PAK6: variants seen among roughly 807,000 people sequenced by gnomAD.
The protein encoded by PAK6 is serine/threonine-protein kinase PAK 6.
In PAK6, 33 loss-of-function variants were observed where a neutral mutation model predicts 60.8. The observed-to-expected ratio is 0.54, with a 90% confidence interval of 0.41 to 0.73. The LOEUF (loss-of-function observed/expected upper bound fraction) is 0.73, where lower values mean the gene tolerates loss of function less well. PAK6 is among the 30% of genes least tolerant of loss of function. PAK6 has a pLI of 0.00. For missense variants in PAK6, 845 were observed against 904.1 expected (o/e 0.93, Z 0.84); for synonymous variants, 404 against 378.5 (o/e 1.07, Z -0.78).
chr15:40,261,280 T>C (rs1456325851), intron 3 of PAK6, among the ~76,000 whole-genome samples: 2 of 151,588 alleles, frequency 1.3e-5, no homozygotes, highest in Non-Finnish European at 2.9e-5. Context: ...GGCTCATGCC[T>C]GTAATCCCAG....
At chr15:40,245,118 T>C (rs1869906) in intron 2 of PAK6, 149,888 of 152,470 alleles carry the variant, frequency 0.98, 73,724 homozygotes, top group East Asian at 1. Flanking sequence ...CACTCAGCTC[T>C]TTGGGCCTCT....
At chr15:40,256,154 G>A (rs1284797438) in intron 3 of PAK6, among the ~76,000 whole-genome samples, 2 of 152,194 alleles carry the variant, frequency 1.3e-5, no homozygotes, top group African/African-American at 2.4e-5. Context: ...GAGGCCAGAC[G>A]TTCGAGGCTG....
rs534597369 is a variant in PAK6, at chr15:40,271,742, C to G, written c.859-482C>G. Among the ~76,000 whole-genome samples the G allele has an allele frequency of 9.2e-5, 14 of 152,242 alleles. No homozygotes were observed. The South Asian group carries it at 2.9e-3, about 32-fold the overall frequency. On this transcript the variant is annotated intron_variant, in intron 5 of 10. Coordinates refer to ENST00000560346, the Ensembl canonical transcript of PAK6. ...GGTTCAGGGAGTGGAGACACAGTTG[C>G]CCACTGCTCCCCACCCCACTGCCAG...
exon 10 of PAK6, chr15:40,274,228 G>A: frequency 6.2e-7 from 1 of 1,613,646 alleles, no homozygotes; most frequent in Non-Finnish European, 8.5e-7. Flanking sequence ...TGCAAGCCAT[G>A]AAGAGGCTCC....
exon 5 of PAK6, chr15:40,266,385 A>C (rs1455182455): frequency 6.2e-7 from 1 of 1,613,012 alleles, no homozygotes; most frequent in Non-Finnish European, 8.5e-7. Flanking sequence ...CCCTAGCCCT[A>C]AGACCCGGGA....
At chr15:40,255,426 C>T (rs978053137) in intron 3 of PAK6, among the ~76,000 whole-genome samples, 2 of 152,188 alleles carry the variant, frequency 1.3e-5, no homozygotes, top group East Asian at 1.9e-4. Flanking sequence ...TCAAGTGGGA[C>T]AGCAGAGCCT....
chr15:40,248,151 G>A (rs1184112463), intron 2 of PAK6, among the ~76,000 whole-genome samples: 2 of 152,230 alleles, frequency 1.3e-5, no homozygotes, highest in African/African-American at 4.8e-5. Flanking sequence ...CCATGGCTCT[G>A]CAGCTAGACT....
At chr15:40,264,753 G>A (rs1271770190) in intron 3 of PAK6, 28 bp from the exon 4 acceptor site, 1 of 1,604,220 alleles carries the variant, frequency 6.2e-7, no homozygotes, top group Non-Finnish European at 8.5e-7. Flanking sequence ...TTCCCGGGAG[G>A]GAGCTCAACC....
intron 5 of PAK6, among the ~76,000 whole-genome samples, chr15:40,269,937 G>A (rs1360863030): frequency 6.6e-6 from 1 of 152,232 alleles, no homozygotes; most frequent in Non-Finnish European, 1.5e-5. Flanking sequence ...AAGCCCTCAA[G>A]GCCAGGAGGG....
rs7178076 is a variant in PAK6 at position 40,268,967 on chromosome 15, A to G, written c.858+2472A>G. Among the ~76,000 whole-genome samples, 5,923 of 152,302 alleles carry G rather than the reference A, an allele frequency of 0.039. 731 individuals are homozygous for G. In the East Asian group the frequency reaches 0.51, roughly 13 times the overall value. ...CAACCCACAGGGTTATGAGGATTACATGAGATAGTACGTTGAAGGCACTTG... is the reference window on the plus strand; with the variant it reads ...CAACCCACAGGGTTATGAGGATTACGTGAGATAGTACGTTGAAGGCACTTG... On this transcript the variant is annotated intron_variant, in intron 5 of 10. Transcript: ENST00000560346.
At chr15:40,252,858 C>T (rs1239591472) in intron 2 of PAK6, 2 of 1,258,568 alleles carry the variant, frequency 1.6e-6, no homozygotes, top group Admixed American at 5.2e-5. Context: ...GCGGGACCTC[C>T]CTCCGCGGGC....
chr15:40,257,935 C>G (rs909644300), intron 3 of PAK6, among the ~76,000 whole-genome samples: 12 of 152,220 alleles, frequency 7.9e-5, no homozygotes, highest in African/African-American at 2.9e-4. Context: ...CTCCTCAAGC[C>G]AAGCCTGTGG....
chr15:40,270,183 C>T (rs1417498720), intron 5 of PAK6, among the ~76,000 whole-genome samples: 1 of 152,168 alleles, frequency 6.6e-6, no homozygotes, highest in African/African-American at 2.4e-5. Context: ...CCACTTCCCT[C>T]CCTGTCCCTG....
chr15:40,266,552 G>T (rs1340983978), intron 5 of PAK6, 57 bp downstream of exon 5: 3 of 1,452,312 alleles, frequency 2.1e-6, no homozygotes, highest in Non-Finnish European at 1.8e-6. Context: ...AGGGACACAG[G>T]CCTTGCCTAG....
intron 5 of PAK6, among the ~76,000 whole-genome samples, chr15:40,267,786 G>A (rs952661747): frequency 6.6e-6 from 1 of 152,246 alleles, no homozygotes; most frequent in Non-Finnish European, 1.5e-5. Flanking sequence ...GAGCATCTGT[G>A]AGCTGCAGGG....
At chr15:40,273,897 G>A (rs1437358373) in intron 9 of PAK6, 1 of 669,656 alleles carries the variant, frequency 1.5e-6, no homozygotes, top group African/African-American at 1.8e-5. Flanking sequence ...GGCAGAATGG[G>A]GTATGGCCGG....
chr15:40,266,391 C>G (rs768072309), exon 5 of PAK6: 3 of 1,613,070 alleles, frequency 1.9e-6, no homozygotes, highest in South Asian at 2.2e-5. Context: ...CCCTAAGACC[C>G]GGGAGAGCAG....
At chr15:40,240,609 T>C in exon 2 of PAK6, 2 of 435,950 alleles carry the variant, frequency 4.6e-6, no homozygotes, top group Admixed American at 5.1e-5. Flanking sequence ...GGAGTGCCGC[T>C]TCCTGGGCTA....
chr15:40,249,243 T>C (rs1220375422), intron 2 of PAK6, among the ~76,000 whole-genome samples: 1 of 151,958 alleles, frequency 6.6e-6, no homozygotes, highest in Non-Finnish European at 1.5e-5. Flanking sequence ...CCCCGCCTCC[T>C]AATACCCTCA....
Sources: gnomAD v4.1 joint callset for allele counts (sites outside exome capture counted in the v4.1 genomes callset) on GRCh38, gnomAD v4.1.1 for gene constraint, MANE v1.5 for transcripts, NCBI Gene and HGNC (gene_info 2026-07-23, HGNC 2026-07-21) for gene names.